The following FAM227B variants were observed in gnomAD, a reference collection of about 807,000 sequenced individuals.
The protein encoded by FAM227B is protein FAM227B.
Under a neutral mutation model 73.8 loss-of-function variants are expected in FAM227B, and 88 were observed. That is an observed-to-expected ratio of 1.19 (90% confidence interval 1.00 to 1.42). The LOEUF (loss-of-function observed/expected upper bound fraction) is 1.42, where lower values mean the gene tolerates loss of function less well. FAM227B is among the 40% of genes most tolerant of loss of function. The pLI, the probability that FAM227B is intolerant of heterozygous loss-of-function variation, is 0.00. For synonymous variants in FAM227B, 210 were observed against 190.5 expected, an observed-to-expected ratio of 1.10 and a Z score of -0.84; for missense variants, 632 against 590.9, an observed-to-expected ratio of 1.07 and a Z score of -0.72.
intron 3 of FAM227B, among the ~76,000 whole-genome samples, chr15:49,598,275 T>C (rs981136721): frequency 3.3e-5 from 5 of 152,064 alleles, no homozygotes; most frequent in Non-Finnish European, 7.4e-5. Flanking sequence ...TAATTGCTAG[T>C]ACCTAGAAAT....
At chr15:49,350,125 ATAAAT>A (rs962181472) in intron 13 of FAM227B, among the ~76,000 whole-genome samples, 3 of 152,206 alleles carry the variant, frequency 2.0e-5, no homozygotes, top group African/African-American at 4.8e-5. Context: ...TTTCTATAAA[ATAAAT>A]TAAACTTTTC....
chr15:49,417,011 A>C (rs78407825), intron 11 of FAM227B, among the ~76,000 whole-genome samples: 1 of 152,164 alleles, frequency 6.6e-6, no homozygotes, highest in Non-Finnish European at 1.5e-5. Flanking sequence ...ACTACCAATG[A>C]CATTCTTCAC....
intron 3 of FAM227B, among the ~76,000 whole-genome samples, chr15:49,604,186 T>A (rs941431872): frequency 6.6e-6 from 1 of 152,244 alleles, no homozygotes; most frequent in Admixed American, 6.5e-5. Context: ...TTCTATACTT[T>A]AATGTTTTTA....
At chr15:49,467,428 G>A (rs1289152669) in intron 11 of FAM227B, among the ~76,000 whole-genome samples, 1 of 151,856 alleles carries the variant, frequency 6.6e-6, no homozygotes, top group Non-Finnish European at 1.5e-5. Context: ...CTCCTCCCTG[G>A]TACATTTGTA....
In FAM227B at chr15:49,463,146, A is replaced by G. The variant is rs1351531488; in HGVS notation, c.1012+45065T>C. 2.0e-5 allele frequency among the ~76,000 whole-genome samples: 3 copies of G among 152,354 alleles called. No homozygotes were observed. In the East Asian group the frequency reaches 5.8e-4, roughly 29 times the overall value. ...AGTAGGCCTCCATCAGCTCCTGCTT[A>G]GATCAGTACTACAATCTCTTCACTG... On this transcript the variant is annotated intron_variant, in intron 11 of 15. Transcript: ENST00000299338.
chr15:49,584,385 A>G (rs1200660830), intron 5 of FAM227B, among the ~76,000 whole-genome samples: 1 of 152,202 alleles, frequency 6.6e-6, no homozygotes, highest in African/African-American at 2.4e-5. Flanking sequence ...ACAGCCAACT[A>G]TGACAAACTT....
chr15:49,562,752 T>G (rs762354084), intron 9 of FAM227B, among the ~76,000 whole-genome samples: 1 of 152,104 alleles, frequency 6.6e-6, no homozygotes, highest in African/African-American at 2.4e-5. Flanking sequence ...TTAAAAAATA[T>G]GATCAACTCA....
intron 10 of FAM227B, among the ~76,000 whole-genome samples, chr15:49,534,705 CA>C: frequency 6.6e-6 from 1 of 151,088 alleles, no homozygotes; most frequent in African/African-American, 2.4e-5. Context: ...TGTTAGGCCA[CA>C]AAAAAAATTT....
intron 11 of FAM227B, among the ~76,000 whole-genome samples, chr15:49,469,675 G>A (rs1419882642): frequency 6.6e-6 from 1 of 152,018 alleles, no homozygotes; most frequent in Non-Finnish European, 1.5e-5. Context: ...AGTAGCCAAG[G>A]AACTTCATTT....
chr15:49,499,079 T>C (rs944487875), intron 11 of FAM227B, among the ~76,000 whole-genome samples: 1 of 135,692 alleles, frequency 7.4e-6, no homozygotes, highest in Non-Finnish European at 1.5e-5. Flanking sequence ...GGCAGGAGAA[T>C]GGCGTGAACC....
intron 11 of FAM227B, among the ~76,000 whole-genome samples, chr15:49,404,577 T>C (rs2048388156): frequency 6.6e-6 from 1 of 152,144 alleles, no homozygotes; most frequent in Non-Finnish European, 1.5e-5. Flanking sequence ...GACATTAGGA[T>C]TGCAACTCCT....
chr15:49,580,503 T>C (rs1010719307), intron 5 of FAM227B, among the ~76,000 whole-genome samples: 1 of 152,166 alleles, frequency 6.6e-6, no homozygotes, highest in Non-Finnish European at 1.5e-5. Context: ...ACACTCAAAC[T>C]ACACCACAGT....
intron 10 of FAM227B, among the ~76,000 whole-genome samples, chr15:49,539,914 C>T (rs2070818628): frequency 6.6e-6 from 1 of 152,168 alleles, no homozygotes; most frequent in Admixed American, 6.5e-5. Context: ...GAAACATGGA[C>T]ATGCATGCTC....
intron 13 of FAM227B, among the ~76,000 whole-genome samples, chr15:49,340,197 A>C (rs1596303947): frequency 1.3e-5 from 2 of 152,026 alleles, no homozygotes; most frequent in African/African-American, 4.8e-5. Flanking sequence ...CTTGGTGTCT[A>C]CCCAAACAGC....
chr15:49,380,714 A>AT (rs1489486603), intron 11 of FAM227B, among the ~76,000 whole-genome samples: 1 of 151,186 alleles, frequency 6.6e-6, no homozygotes, highest in Non-Finnish European at 1.5e-5. Flanking sequence ...TTTCTACTTT[A>AT]TTTTTTTTCT....
At chr15:49,515,363 T>C (rs2059307604) in intron 10 of FAM227B, among the ~76,000 whole-genome samples, 1 of 152,180 alleles carries the variant, frequency 6.6e-6, no homozygotes, top group Admixed American at 6.6e-5. Flanking sequence ...AGTATGCATG[T>C]TGCGTACCTT....
Position 49,483,522 on chromosome 15 carries a change from T to C in FAM227B, c.1012+24689A>G, listed in dbSNP as rs543024592. Among the ~76,000 whole-genome samples the C allele has an allele frequency of 7.4e-4, 113 of 152,172 alleles. 2 individuals carry two copies. Among genetic ancestry groups the C allele is most frequent in the Non-Finnish European group, 1.4e-3 (94 of 67,932 alleles). On this transcript the variant is annotated intron_variant, in intron 11 of 15. Coordinates refer to ENST00000299338, the MANE Select transcript of FAM227B (RefSeq NM_152647.3). ...GGATCCTTCCAGCTCTAAAATTCCA[T>C]GTGCATTTTAGATATTTAAAATCCA... is the stretch of plus-strand genomic sequence containing the variant.
At chr15:49,547,633 G>A (rs886617619) in intron 9 of FAM227B, among the ~76,000 whole-genome samples, 1 of 152,120 alleles carries the variant, frequency 6.6e-6, no homozygotes, top group Non-Finnish European at 1.5e-5. Context: ...TGCAATCCTA[G>A]TCTCTGATAA....
At position 49,614,918 on chromosome 15, in the gene FAM227B, G is replaced by A. The variant is rs914671935; in HGVS notation, c.51+203C>T. 8.9e-5 allele frequency: 49 copies of A among 552,212 alleles called. 1 individual carries two copies. Among genetic ancestry groups the A allele is most frequent in the South Asian group, 5.9e-4 (24 of 40,780 alleles). The allele number at this position is 552,212 out of a possible 1,614,324, so 34.2% of individuals were successfully genotyped here. A position where few individuals can be genotyped will look rare whatever the true frequency, so the allele number is the denominator to read the frequency against. The stretch of plus-strand genomic sequence containing the variant: ...TTTGAGACTGATCTCCCATCTCCTC[G>A]GCTGCAGCACCCTATTAAAGCTTTC... On this transcript the variant is annotated intron_variant, in intron 2 of 15. Coordinates refer to ENST00000299338, the MANE Select transcript of FAM227B (RefSeq NM_152647.3).
Sources: gnomAD v4.1 joint callset for allele counts (sites outside exome capture counted in the v4.1 genomes callset) on GRCh38, gnomAD v4.1.1 for gene constraint, MANE v1.5 for transcripts, NCBI Gene and HGNC (gene_info 2026-07-23, HGNC 2026-07-21) for gene names.